ZPBP: variants seen among roughly 807,000 people sequenced by gnomAD.
ZPBP encodes the protein zona pellucida-binding protein 1.
Under a neutral mutation model 44.8 loss-of-function variants are expected in ZPBP, and 26 were observed. The ratio of observed to expected loss-of-function variants is 0.58; its 90% CI spans 0.43 to 0.81. The LOEUF (loss-of-function observed/expected upper bound fraction) is 0.81, where lower values mean the gene tolerates loss of function less well. Among genes scored for constraint, ZPBP ranks in the 30% least tolerant of loss-of-function variants. ZPBP has a pLI of 0.00. For missense variants in ZPBP, 409 were observed against 434.0 expected (o/e 0.94, Z 0.51); for synonymous variants, 174 against 153.2 (o/e 1.14, Z -1.00).
intron 7 of ZPBP, among the ~76,000 whole-genome samples, chr7:49,966,437 C>T (rs1353434751): frequency 6.6e-6 from 1 of 152,082 alleles, no homozygotes; most frequent in Non-Finnish European, 1.5e-5. Context: ...ATATACCATA[C>T]ACCAGGCCAT....
chr7:49,889,588 G>A (rs1792043404), intron 2 of ZPBP, among the ~76,000 whole-genome samples: 1 of 152,182 alleles, frequency 6.6e-6, no homozygotes, highest in Non-Finnish European at 1.5e-5. Flanking sequence ...CGGCTACAGG[G>A]TGATGACCTA....
chr7:50,089,453 G>A (rs1802837785), intron 2 of ZPBP, among the ~76,000 whole-genome samples, 176 bp downstream of exon 2: 1 of 152,030 alleles, frequency 6.6e-6, no homozygotes, highest in Non-Finnish European at 1.5e-5. Context: ...ATAGCATATA[G>A]TATTAGAACT....
chr7:49,842,029 G>A, the ZPBP span, among the ~76,000 whole-genome samples: 1 of 152,096 alleles, frequency 6.6e-6, no homozygotes, highest in African/African-American at 2.4e-5. Flanking sequence ...ACCACGCCCA[G>A]CTAACTTTTT....
intron 6 of ZPBP, among the ~76,000 whole-genome samples, chr7:49,990,962 A>C (rs1797545694): frequency 6.6e-6 from 1 of 152,202 alleles, no homozygotes; most frequent in African/African-American, 2.4e-5. Flanking sequence ...ACAGGATTAT[A>C]GTCCAACTAG....
chr7:49,899,251 T>C (rs1295877949), intron 2 of ZPBP, among the ~76,000 whole-genome samples: 1 of 152,012 alleles, frequency 6.6e-6, no homozygotes, highest in Admixed American at 6.5e-5. Context: ...AAGAATATGC[T>C]AGACAAGGGG....
downstream of ZPBP, among the ~76,000 whole-genome samples, chr7:49,934,437 C>G (rs928282924): frequency 1.2e-5 from 1 of 86,708 alleles, no homozygotes; most frequent in Admixed American, 1.1e-4. Flanking sequence ...ATTTGGAAAA[C>G]AGAGGGTATA....
chr7:49,985,272 TTGGGTCTTTATTTCAAAATG>T (rs565162129), intron 6 of ZPBP, among the ~76,000 whole-genome samples: 221 of 152,334 alleles, frequency 1.5e-3, no homozygotes, highest in Non-Finnish European at 2.6e-3. Context: ...TAAAAATGTT[TTGGGTCTTTATTTCAAAATG>T]TGGTGATATT....
intron 1 of ZPBP, among the ~76,000 whole-genome samples, chr7:49,908,830 T>C (rs1428016857): frequency 2.6e-5 from 4 of 152,168 alleles, no homozygotes; most frequent in Admixed American, 2.0e-4. Flanking sequence ...ATTAGCCAAA[T>C]TTTGGATAAT....
At chr7:49,896,324 G>C (rs1211975589) in intron 2 of ZPBP, among the ~76,000 whole-genome samples, 1 of 152,180 alleles carries the variant, frequency 6.6e-6, no homozygotes, top group African/African-American at 2.4e-5. Context: ...CTGAGTGAAA[G>C]AGCAAGACTC....
intron 7 of ZPBP, among the ~76,000 whole-genome samples, chr7:49,967,472 C>G (rs1224862534): frequency 2.6e-5 from 4 of 152,070 alleles, no homozygotes; most frequent in Admixed American, 2.6e-4. Context: ...TTGGGACTTT[C>G]TCGGGTGATA....
At chr7:49,889,879 A>G (rs913210811) in intron 2 of ZPBP, among the ~76,000 whole-genome samples, 5 of 152,224 alleles carry the variant, frequency 3.3e-5, no homozygotes, top group Non-Finnish European at 5.9e-5. Context: ...TAGGGAGACC[A>G]TCTGGCATGT....
intron 3 of ZPBP, among the ~76,000 whole-genome samples, chr7:50,079,660 TA>T (rs1289152627): frequency 6.6e-6 from 1 of 151,672 alleles, no homozygotes; most frequent in Non-Finnish European, 1.5e-5. Context: ...CAGTTAACAA[TA>T]ATGTATTGTA....
At chr7:50,089,795 G>T in intron 1 of ZPBP, 86 bp from the exon 2 acceptor site, 1 of 1,039,548 alleles carries the variant, frequency 9.6e-7, no homozygotes, top group Non-Finnish European at 1.5e-6. Context: ...GGTATTGGTT[G>T]AAGGGGAGAG....
At chr7:49,863,870 T>TG (rs1562738846) in intron 2 of ZPBP, among the ~76,000 whole-genome samples, 1 of 152,266 alleles carries the variant, frequency 6.6e-6, no homozygotes, top group Non-Finnish European at 1.5e-5. Flanking sequence ...GATCCTTTTC[T>TG]GTTTTATAAT....
chr7:49,924,712 T>C (rs964013131), intron 1 of ZPBP, among the ~76,000 whole-genome samples: 1 of 152,166 alleles, frequency 6.6e-6, no homozygotes, highest in Non-Finnish European at 1.5e-5. Context: ...CAAGATAGAC[T>C]AGCCCCATTT....
rs984496738 is a variant in ZPBP, at chr7:50,031,408, C to A, written c.488-98G>T. 9 of 922,376 alleles carry A rather than the reference C, an allele frequency of 9.8e-6. No individual in the cohort carries two copies. The African/African-American group carries it at 1.5e-4, about 16-fold the overall frequency. The allele number at this position is 922,376 out of a possible 1,614,324, so 57.1% of individuals were successfully genotyped here. A position where few individuals can be genotyped will look rare whatever the true frequency, so the allele number is the denominator to read the frequency against. Reference sequence around the variant, plus strand: ...GAAATATCATTATTTGGTATGAATTCTTGGTACATGTTTTTAGATATAATT... The same window carrying A: ...GAAATATCATTATTTGGTATGAATTATTGGTACATGTTTTTAGATATAATT... On this transcript the variant is annotated intron_variant, in intron 4 of 7. Coordinates refer to ENST00000046087, the MANE Select transcript of ZPBP (RefSeq NM_007009.3).
At chr7:49,880,313 G>A (rs73111333) in intron 2 of ZPBP, among the ~76,000 whole-genome samples, 1,918 of 151,870 alleles carry the variant, frequency 0.013, 20 homozygotes, top group Non-Finnish European at 0.021. Flanking sequence ...TATTTTTAAC[G>A]CATGATGCTG....
intron 7 of ZPBP, among the ~76,000 whole-genome samples, chr7:49,970,648 T>C (rs375614018): frequency 9.2e-5 from 14 of 151,574 alleles, no homozygotes; most frequent in South Asian, 6.2e-4. Context: ...AAATCAATCA[T>C]TTAAAGAACA....
At chr7:49,895,860 A>T (rs1271981046) in intron 2 of ZPBP, among the ~76,000 whole-genome samples, 1 of 152,188 alleles carries the variant, frequency 6.6e-6, no homozygotes, top group African/African-American at 2.4e-5. Flanking sequence ...AGTTAAATGT[A>T]TGGGAGGTTA....
Sources: gnomAD v4.1 joint callset for allele counts (sites outside exome capture counted in the v4.1 genomes callset) on GRCh38, gnomAD v4.1.1 for gene constraint, MANE v1.5 for transcripts, NCBI Gene and HGNC (gene_info 2026-07-23, HGNC 2026-07-21) for gene names.